The following CCNF variants were observed in gnomAD, a reference collection of about 807,000 sequenced individuals.
The protein encoded by CCNF is cyclin F.
In CCNF, 30 loss-of-function variants were observed where a neutral mutation model predicts 85.4. That is an observed-to-expected ratio of 0.35 (90% CI 0.26 to 0.48). The LOEUF is 0.48. Among genes scored for constraint, CCNF ranks in the 20% least tolerant of loss-of-function variants. The pLI is 0.99. For missense variants in CCNF, 919 were observed against 1,010.4 expected, an observed-to-expected ratio of 0.91 and a Z score of 1.23; for synonymous variants, 439 against 425.1, an observed-to-expected ratio of 1.03 and a Z score of -0.40.
rs753207960 is a variant in CCNF, at chr16:2,443,819, G to A, written c.929+19G>A. The A allele has an allele frequency of 6.2e-7, 1 of 1,613,368 alleles. No homozygotes were observed. The highest frequency in any genetic ancestry group is 1.1e-5 in the South Asian group (1 of 91,062). On this transcript the variant is annotated intron_variant, in intron 9 of 16. Coordinates refer to ENST00000397066, the MANE Select transcript of CCNF (RefSeq NM_001761.3). ...CAATGAGGTGAGGCATTCAGGCCGG[G>A]GCTTCTAATCAGAGCGGCGCGGAAG...
intron 9 of CCNF, 68 bp downstream of exon 9, chr16:2,443,868 C>A: frequency 6.7e-7 from 1 of 1,489,162 alleles, no homozygotes; most frequent in Non-Finnish European, 9.3e-7. Context: ...GAAGGGAGCC[C>A]TTTCCACTTA....
At chr16:2,444,493 G>C (rs374687701) in intron 9 of CCNF, among the ~76,000 whole-genome samples, 50 of 150,442 alleles carry the variant, frequency 3.3e-4, no homozygotes, top group African/African-American at 1.2e-3. Context: ...GTAGAGATGG[G>C]GTTTCATCGT....
chr16:2,457,270 T>C lies in CCNF; in HGVS notation c.*250T>C. 1 of 442,678 alleles carries C rather than the reference T, an allele frequency of 2.3e-6. No homozygotes were observed. Among genetic ancestry groups the C allele is most frequent in the East Asian group, 3.9e-5 (1 of 25,710 alleles). 27.4% of individuals were successfully genotyped at this position (442,678 alleles called of 1,614,324 possible). ...CCTGGAAGCAGTTGGCCACACTGTG[T>C]GGAGGGCACCTCTCTGTCCCTTCCG... is the stretch of plus-strand genomic sequence containing the variant. On this transcript the variant is annotated 3_prime_UTR_variant, in exon 17 of 17. Coordinates refer to ENST00000397066, the MANE Select transcript of CCNF (RefSeq NM_001761.3).
intron 9 of CCNF, among the ~76,000 whole-genome samples, chr16:2,444,087 T>G (rs1442222374): frequency 2.0e-5 from 3 of 151,460 alleles, no homozygotes; most frequent in Non-Finnish European, 4.4e-5. Context: ...GCCCGGCTAA[T>G]TTTTTGTATT....
intron 9 of CCNF, among the ~76,000 whole-genome samples, chr16:2,444,193 A>G (rs1418324210): frequency 4.0e-5 from 6 of 151,886 alleles, no homozygotes; most frequent in South Asian, 4.2e-4. Context: ...TGCTGGGATT[A>G]CAGGCGTGAG....
rs562393667 is a variant in CCNF, at chr16:2,436,919, G to A, written c.347-210G>A. The A allele has an allele frequency of 1.2e-5, 5 of 402,568 alleles. No homozygotes were observed. In the South Asian group the frequency reaches 3.6e-4, roughly 29 times the overall value. The allele number at this position is 402,568 out of a possible 1,614,324, so 24.9% of individuals were successfully genotyped here. A position where few individuals can be genotyped will look rare whatever the true frequency, so the allele number is the denominator to read the frequency against. On this transcript the variant is annotated intron_variant, in intron 4 of 16. Coordinates refer to ENST00000397066, the MANE Select transcript of CCNF (RefSeq NM_001761.3). ...CCGGGAGGACCACAGCAGGGGCATT[G>A]ATCACAATGACCCACCTGTTCTAGA...
chr16:2,445,563 G>C lies in CCNF; in HGVS notation c.1035G>C (p.Arg345Ser), dbSNP rs777081653. 4.3e-6 allele frequency: 7 copies of C among 1,613,840 alleles called. No individual in the cohort carries two copies. The highest frequency in any genetic ancestry group is 4.2e-6 in the Non-Finnish European group (5 of 1,180,016). Residue 345 changes from arginine (R) to serine (S), a missense_variant, in exon 10 of 17, where the codon AGG (arginine) becomes AGC (serine). Coordinates refer to ENST00000397066, the MANE Select transcript of CCNF (RefSeq NM_001761.3). The stretch of plus-strand genomic sequence containing the variant: ...GTGTGGACCGGTACCTGCGGAGGAG[G>C]CTGGTGCCGCGGTACAGGCTCCAGC... ...VECVDRYLRR[R>S]LVPRYRLQLL...
chr16:2,443,676 G>A lies in CCNF; in HGVS notation c.805G>A (p.Ala269Thr), dbSNP rs1178331011. The A allele has an allele frequency of 6.2e-7, 1 of 1,613,964 alleles. No individual in the cohort carries two copies. The highest frequency in any genetic ancestry group is 1.7e-5 in the Admixed American group (1 of 59,982). The part of the protein sequence containing the change: ...QLSLAKACAN[A>T]NQLGLEVRAS... The stretch of plus-strand genomic sequence containing the variant: ...GTCTTTAGCCAAAGCCTGTGCAAAT[G>A]CAAACCAGCTTGGACTGGAGGTGAG... Residue 269 changes from alanine to threonine, a missense_variant, in exon 9 of 17, where the codon GCA becomes ACA. Around this residue, in one of 3 missense-constraint regions of CCNF, gnomAD observed 410 missense variants for 478.6 expected, o/e 0.86. Transcript: ENST00000397066.
intron 5 of CCNF, 111 bp from the exon 6 acceptor site, chr16:2,437,959 A>G (rs912242928): frequency 6.1e-6 from 4 of 652,622 alleles, no homozygotes; most frequent in South Asian, 3.0e-5. Flanking sequence ...CAGGGGAGGG[A>G]GGGCCAGACA....
chr16:2,453,428 TTG>T lies in CCNF; in HGVS notation c.1611_1612del (p.Ala538CysfsTer78). 1.2e-6 allele frequency: 2 copies of T among 1,614,030 alleles called. No individual in the cohort carries two copies. The highest frequency in any genetic ancestry group is 1.7e-6 in the Non-Finnish European group (2 of 1,179,998). On this transcript the variant is annotated frameshift_variant, in exon 15 of 17. Coordinates refer to ENST00000397066, the MANE Select transcript of CCNF (RefSeq NM_001761.3). LOFTEE classifies it high-confidence loss of function. This position sits in a 1 kb window ranked among gnomAD's most constrained non-coding sequence, Gnocchi z 5.6. The part of the protein sequence containing the change: ...SQEEVLSYSQ[L>X]CAALGVTQDS... ...CCCTCAGGTGCTGAGCTACAGCCAGTTGTGTGCTGCATTAGGAGTGACACAAG... is the reference window on the plus strand; with the variant it reads ...CCCTCAGGTGCTGAGCTACAGCCAGTTGTGCTGCATTAGGAGTGACACAAG...
rs762467934 is a variant in CCNF, at chr16:2,433,012, T to C, written c.223T>C (p.Cys75Arg). 1.2e-6 allele frequency: 2 copies of C among 1,611,566 alleles called. No individual in the cohort carries two copies. Among genetic ancestry groups the C allele is most frequent in the Non-Finnish European group, 1.7e-6 (2 of 1,177,972 alleles). Residue 75 changes from cysteine (C) to arginine (R), a missense_variant, in exon 3 of 17, where the codon TGT (cysteine) becomes CGT (arginine). Physicochemically the swap from Cys to Arg is radical, Grantham distance 180. This residue lies in a region of CCNF where 410 missense variants were observed against 478.6 expected (regional missense o/e 0.86). Transcript: ENST00000397066. ...GGACAACCACGCCAGTGTGTGGGCA[T>C]GTGCCAGCTTCCAGGAGCTGTGGCC... is the stretch of plus-strand genomic sequence containing the variant. Reference protein sequence around the residue: ...LVDNHASVWACASFQELWPSP... With the variant: ...LVDNHASVWARASFQELWPSP...
chr16:2,433,576 GT>G (rs1354843483), intron 3 of CCNF, among the ~76,000 whole-genome samples: 1 of 152,038 alleles, frequency 6.6e-6, no homozygotes, highest in Non-Finnish European at 1.5e-5. Flanking sequence ...GTTGTTTTTT[GT>G]TTTTTGTTTT....
At chr16:2,448,168 C>T (rs1404647998) in intron 10 of CCNF, among the ~76,000 whole-genome samples, 1 of 152,240 alleles carries the variant, frequency 6.6e-6, no homozygotes, top group African/African-American at 2.4e-5. Flanking sequence ...CCTTTGCCTC[C>T]AATTCCTAGA....
At chr16:2,439,628 G>C (rs1175857356) in intron 7 of CCNF, 121 bp from the exon 8 acceptor site, 7 of 974,528 alleles carry the variant, frequency 7.2e-6, no homozygotes, top group Non-Finnish European at 1.1e-5. Context: ...CCCCAAAAAT[G>C]ACTCCACCAT....
At chr16:2,432,500 C>T (rs936491987) in intron 2 of CCNF, among the ~76,000 whole-genome samples, 3 of 152,142 alleles carry the variant, frequency 2.0e-5, no homozygotes, top group East Asian at 1.9e-4. Context: ...GTTGGCCCAG[C>T]GCTTAGGCTC....
At chr16:2,437,902 T>TAAA in intron 5 of CCNF, 168 bp from the exon 6 acceptor site, 4 of 467,454 alleles carry the variant, frequency 8.6e-6, no homozygotes, top group Non-Finnish European at 3.6e-6. Flanking sequence ...CTGTTTCCCT[T>TAAA]TAAAAAAAAA....
chr16:2,436,561 G>T (rs1188422783), intron 4 of CCNF: 1 of 152,182 alleles, frequency 6.6e-6, no homozygotes, highest in Non-Finnish European at 1.5e-5. Flanking sequence ...AATTGTGACT[G>T]ACAGGGACCA....
In CCNF at chr16:2,453,448, G is replaced by A; in HGVS notation, c.1626G>A (p.Val542=). 1 of 1,614,030 alleles carries A rather than the reference G, an allele frequency of 6.2e-7. No individual in the cohort carries two copies. The highest frequency in any genetic ancestry group is 8.5e-7 in the Non-Finnish European group (1 of 1,179,976). The change falls in exon 15 of 17, where the codon GTG becomes GTA. Residue 542 remains valine (V), a synonymous_variant. Coordinates refer to ENST00000397066, the MANE Select transcript of CCNF (RefSeq NM_001761.3). This position sits in a 1 kb window ranked among gnomAD's most constrained non-coding sequence, Gnocchi z 5.6. ...SYSQLCAALG[V]TQDSPDPPTF... is the part of the protein sequence containing the mutation. ...GCCAGTTGTGTGCTGCATTAGGAGT[G>A]ACACAAGACAGCCCCGACCCCCCGA...
intron 12 of CCNF, 54 bp downstream of exon 12, chr16:2,449,516 G>A: frequency 6.5e-7 from 1 of 1,543,180 alleles, no homozygotes; most frequent in Non-Finnish European, 8.8e-7. Context: ...GCTGACATAG[G>A]AGGAGGCTGT....
Sources: gnomAD v4.1 joint callset for allele counts (sites outside exome capture counted in the v4.1 genomes callset) on GRCh38, gnomAD v4.1.1 for gene constraint, gnomAD v4.1.1 regional missense constraint, Gnocchi (gnomAD v3.1) non-coding constraint, MANE v1.5 for transcripts, NCBI Gene and HGNC (gene_info 2026-07-23, HGNC 2026-07-21) for gene names.